LOXHD1: variants seen among roughly 807,000 people sequenced by gnomAD.
The protein encoded by LOXHD1 is lipoxygenase homology PLAT domains 1, also known as lipoxygenase homology domain-containing protein 1.
A neutral mutation model predicts 248.2 loss-of-function variants in LOXHD1; 205 were observed. That is an observed-to-expected ratio of 0.83 (90% CI 0.74 to 0.93). LOXHD1 has a LOEUF of 0.93. LOXHD1 is among the 40% of genes least tolerant of loss of function. LOXHD1 has a pLI of 0.00. For synonymous variants in LOXHD1, 1,113 were observed against 1,162.8 expected (o/e 0.96, Z 0.87); for missense variants, 2,930 against 2,971.6 (o/e 0.99, Z 0.33).
At chr18:46,481,590 G>C (rs1174182730) in intron 40 of LOXHD1, among the ~76,000 whole-genome samples, 1 of 152,208 alleles carries the variant, frequency 6.6e-6, no homozygotes, top group Non-Finnish European at 1.5e-5. Flanking sequence ...AGTTGACCAG[G>C]TGACAGCGCT....
Position 46,477,664 on chromosome 18 carries a change from C to T in LOXHD1, c.6630G>A (p.Thr2210=), listed in dbSNP as rs764553662. The T allele has an allele frequency of 1.0e-5, 16 of 1,551,832 alleles. No individual in the cohort carries two copies. Among genetic ancestry groups the T allele is most frequent in the South Asian group, 5.9e-5 (5 of 84,068 alleles). The change falls in exon 41 of 41, where the codon ACG becomes ACA. Residue 2210 remains threonine (T), a synonymous_variant. Coordinates refer to ENST00000642948, the MANE Select transcript of LOXHD1 (RefSeq NM_001384474.1). ...CCTTGCGCAGCTCACCCAGCTCCAG[C>T]GTCTCCAGGAAGAAGCGGTCTGTGC... is the stretch of plus-strand genomic sequence containing the variant. ...RGSTDRFFLE[T]LELGELRKVR... is the part of the protein sequence containing the mutation.
intron 4 of LOXHD1, among the ~76,000 whole-genome samples, chr18:46,628,007 C>T (rs953044066): frequency 2.6e-5 from 4 of 152,192 alleles, no homozygotes; most frequent in African/African-American, 9.7e-5. Context: ...GAAGGCTCCC[C>T]GCAAAATGCC....
chr18:46,512,794 C>T (rs1267373141), intron 34 of LOXHD1, among the ~76,000 whole-genome samples: 2 of 152,232 alleles, frequency 1.3e-5, no homozygotes, highest in Admixed American at 6.5e-5. Flanking sequence ...CTCTCTACCC[C>T]TTTGAAACAA....
At chr18:46,541,678 G>T in intron 25 of LOXHD1, 98 bp downstream of exon 25, 1 of 1,379,798 alleles carries the variant, frequency 7.2e-7, no homozygotes, top group Non-Finnish European at 1.0e-6. Context: ...AGGTGGGCCT[G>T]GCCCACAGTC....
At chr18:46,577,166 G>A (rs759550604) in intron 14 of LOXHD1, among the ~76,000 whole-genome samples, 65 of 152,246 alleles carry the variant, frequency 4.3e-4, no homozygotes, top group Admixed American at 1.2e-3. Flanking sequence ...CACTGGTATT[G>A]CTCATTCTAA....
chr18:46,559,277 C>A, intron 20 of LOXHD1, 171 bp downstream of exon 20: 10 of 1,535,000 alleles, frequency 6.5e-6, no homozygotes, highest in Non-Finnish European at 8.7e-6. Flanking sequence ...CTCTCATAAC[C>A]CCTCCACAAA....
intron 7 of LOXHD1, 33 bp downstream of exon 7, chr18:46,604,073 A>C (rs1371470473): frequency 9.7e-6 from 15 of 1,551,150 alleles, no homozygotes; most frequent in Non-Finnish European, 1.3e-5. Context: ...AAAGTGAAAT[A>C]CCCAAAAGAG....
chr18:46,643,395 G>C (rs193103850), intron 2 of LOXHD1, among the ~76,000 whole-genome samples: 3 of 152,192 alleles, frequency 2.0e-5, no homozygotes, highest in African/African-American at 7.2e-5. Flanking sequence ...TAAAGACAGA[G>C]AATGTCGACT....
chr18:46,601,495 T>C (rs1453337371), intron 7 of LOXHD1, 28 bp from the exon 8 acceptor site: 1 of 1,551,008 alleles, frequency 6.4e-7, no homozygotes, highest in Admixed American at 2.0e-5. Flanking sequence ...GGAAAGAGAG[T>C]GTTCAATGTG....
At chr18:46,631,561 G>A (rs980805605) in intron 4 of LOXHD1, among the ~76,000 whole-genome samples, 1 of 152,202 alleles carries the variant, frequency 6.6e-6, no homozygotes, top group Admixed American at 6.5e-5. Flanking sequence ...TCCATCCAGT[G>A]GGGTCGGGGT....
intron 34 of LOXHD1, among the ~76,000 whole-genome samples, chr18:46,516,922 C>T (rs1456423033): frequency 6.6e-6 from 1 of 152,140 alleles, no homozygotes; most frequent in East Asian, 1.9e-4. Flanking sequence ...TACCATTCAG[C>T]ACCATCAATA....
chr18:46,557,515 T>C, intron 20 of LOXHD1, 26 bp from the exon 21 acceptor site: 6 of 1,551,618 alleles, frequency 3.9e-6, no homozygotes, highest in Non-Finnish European at 5.2e-6. Context: ...GAACACTCAG[T>C]GGGGTAAGAC....
intron 17 of LOXHD1, among the ~76,000 whole-genome samples, chr18:46,563,601 C>T (rs1045963460): frequency 1.3e-5 from 2 of 152,138 alleles, no homozygotes; most frequent in African/African-American, 2.4e-5. Flanking sequence ...ATGTCATTGC[C>T]ATTGTAACCG....
At chr18:46,626,514 G>A (rs1732195904) in intron 4 of LOXHD1, among the ~76,000 whole-genome samples, 1 of 152,074 alleles carries the variant, frequency 6.6e-6, no homozygotes, top group Admixed American at 6.5e-5. Flanking sequence ...CTCCAGCCTG[G>A]GCAACAGAGT....
chr18:46,500,411 G>A (rs1464834333), intron 37 of LOXHD1, among the ~76,000 whole-genome samples: 2 of 152,132 alleles, frequency 1.3e-5, no homozygotes, highest in East Asian at 1.9e-4. Context: ...TTCTTGTTCA[G>A]GTCTTCTCAG....
chr18:46,636,576 T>C (rs2038895615), intron 4 of LOXHD1, among the ~76,000 whole-genome samples: 1 of 152,174 alleles, frequency 6.6e-6, no homozygotes, highest in Admixed American at 6.5e-5. Flanking sequence ...GCCAGAACTT[T>C]GGGAACTGGC....
At chr18:46,586,813 A>G (rs2038070074) in intron 12 of LOXHD1, among the ~76,000 whole-genome samples, 1 of 152,226 alleles carries the variant, frequency 6.6e-6, no homozygotes, top group Non-Finnish European at 1.5e-5. Context: ...GACAAAGTAT[A>G]CCTGGAATGA....
chr18:46,637,421 C>G (rs2038906736), intron 4 of LOXHD1, among the ~76,000 whole-genome samples: 1 of 152,078 alleles, frequency 6.6e-6, no homozygotes, highest in Non-Finnish European at 1.5e-5. Flanking sequence ...ACAGTGGAAC[C>G]CTGGATTTTT....
chr18:46,577,559 C>T (rs1159539236), intron 14 of LOXHD1, 148 bp downstream of exon 14: 2 of 823,186 alleles, frequency 2.4e-6, no homozygotes, highest in South Asian at 1.9e-5. Context: ...GGTCTAAGCA[C>T]CACCAGCGAG....
Sources: allele counts gnomAD v4.1 joint callset (sites outside exome capture counted in the v4.1 genomes callset), GRCh38; gene constraint gnomAD v4.1.1; transcripts MANE v1.5; gene names NCBI Gene and HGNC (gene_info 2026-07-23, HGNC 2026-07-21).